Variants in METTL15 observed in about 807,000 individuals in gnomAD.
The protein encoded by METTL15 is 12S rRNA N(4)-cytidine methyltransferase METTL15.
In METTL15, 34 loss-of-function variants were observed where a neutral mutation model predicts 38.3. The observed-to-expected ratio is 0.89, with a 90% CI of 0.68 to 1.18. The LOEUF (loss-of-function observed/expected upper bound fraction) is 1.18. METTL15 is among the 50% of genes most tolerant of loss of function. METTL15 has a pLI of 0.00. For synonymous variants in METTL15, 162 were observed against 170.9 expected (o/e 0.95, Z 0.41); for missense variants, 438 against 498.4 (o/e 0.88, Z 1.15).
Position 28,122,333 on chromosome 11 carries a change from ATGTGTGTGTGTG to A in METTL15, c.270+8757_270+8768del, listed in dbSNP as rs61147516. Among the ~76,000 whole-genome samples the A allele has an allele frequency of 3.0e-3, 335 of 112,094 alleles. 1 individual carries two copies. Among genetic ancestry groups the A allele is most frequent in the African/African-American group, 5.4e-3 (133 of 24,478 alleles). 73.5% of individuals were successfully genotyped at this position (112,094 alleles called of 152,430 possible). The stretch of plus-strand genomic sequence containing the variant: ...AATCCTAGTATATAGATGTGTGTAT[ATGTGTGTGTGTG>A]TGTGTGTGTGTGTGTGTGTGTGTGT... On this transcript the variant is annotated intron_variant, in intron 3 of 6. Transcript: ENST00000407364.
At chr11:28,502,131 C>A (rs1025857744) in intron 6 of METTL15, among the ~76,000 whole-genome samples, 1 of 151,290 alleles carries the variant, frequency 6.6e-6, no homozygotes, top group Non-Finnish European at 1.5e-5. Context: ...AAAAGCTCTT[C>A]CACAAGGGCA....
At chr11:28,110,838 A>G (rs778571375) in intron 2 of METTL15, among the ~76,000 whole-genome samples, 51 of 152,208 alleles carry the variant, frequency 3.4e-4, no homozygotes, top group Non-Finnish European at 6.6e-4. Context: ...TTATGCTCTC[A>G]ACAGCCAAAA....
intron 3 of METTL15, among the ~76,000 whole-genome samples, chr11:28,156,200 G>C (rs925618055): frequency 6.6e-6 from 1 of 152,028 alleles, no homozygotes; most frequent in African/African-American, 2.4e-5. Context: ...TTCATCCCTT[G>C]GTCTTTACAG....
intron 6 of METTL15, among the ~76,000 whole-genome samples, chr11:28,329,429 T>C (rs1458669903): frequency 6.6e-6 from 1 of 152,128 alleles, no homozygotes; most frequent in Non-Finnish European, 1.5e-5. Flanking sequence ...ATTTGGGCTG[T>C]TCTAGGTGCC....
At chr11:28,265,142 A>G (rs928112667) in intron 4 of METTL15, among the ~76,000 whole-genome samples, 12 of 152,112 alleles carry the variant, frequency 7.9e-5, no homozygotes, top group African/African-American at 2.7e-4. Context: ...GCTACCACAG[A>G]ATACAAGGAC....
chr11:28,427,216 G>T (rs1416394365), intron 6 of METTL15, among the ~76,000 whole-genome samples: 1 of 152,076 alleles, frequency 6.6e-6, no homozygotes, highest in Non-Finnish European at 1.5e-5. Context: ...GTTTGTTTTT[G>T]TCAGGTTGTC....
intron 6 of METTL15, among the ~76,000 whole-genome samples, chr11:28,311,086 G>A (rs1331438133): frequency 6.6e-6 from 1 of 151,742 alleles, no homozygotes; most frequent in Non-Finnish European, 1.5e-5. Flanking sequence ...AACTAGCACA[G>A]CAGTTTGTTC....
At chr11:28,496,338 GA>G (rs1437967023) in intron 6 of METTL15, among the ~76,000 whole-genome samples, 1 of 152,150 alleles carries the variant, frequency 6.6e-6, no homozygotes, top group African/African-American at 2.4e-5. Context: ...CAGTATGTGG[GA>G]ACCACCCCCA....
At chr11:28,169,459 A>G (rs969797190) in intron 3 of METTL15, among the ~76,000 whole-genome samples, 2 of 152,170 alleles carry the variant, frequency 1.3e-5, no homozygotes, top group Non-Finnish European at 2.9e-5. Flanking sequence ...GCAAGTTGAT[A>G]TAGAAGAAAA....
intron 6 of METTL15, among the ~76,000 whole-genome samples, chr11:28,319,546 G>A (rs1278902000): frequency 6.6e-6 from 1 of 151,410 alleles, no homozygotes; most frequent in Non-Finnish European, 1.5e-5. Flanking sequence ...TACAATCCCT[G>A]TGAACTTGAG....
At chr11:28,527,979 TA>T (rs1271998285), downstream of METTL15, among the ~76,000 whole-genome samples, 1 of 152,198 alleles carries the variant, frequency 6.6e-6, no homozygotes, top group Admixed American at 6.5e-5. Context: ...ACTCTCAAAG[TA>T]ATTGCCAACT....
intron 6 of METTL15, among the ~76,000 whole-genome samples, chr11:28,430,795 C>G (rs1178610742): frequency 2.1e-4 from 21 of 98,756 alleles, no homozygotes; most frequent in African/African-American, 7.2e-4. Context: ...CCGGCCGCCC[C>G]TACTGGGAAG....
At chr11:28,185,112 C>A (rs1851447556) in intron 3 of METTL15, among the ~76,000 whole-genome samples, 1 of 151,434 alleles carries the variant, frequency 6.6e-6, no homozygotes, top group African/African-American at 2.4e-5. Context: ...ATTTTGAAGT[C>A]AATCTACAGT....
intron 6 of METTL15, among the ~76,000 whole-genome samples, chr11:28,326,287 G>GTT (rs529338315): frequency 2.7e-5 from 4 of 146,286 alleles, no homozygotes. Flanking sequence ...GAATCTGTTA[G>GTT]TTTTTTTTTT....
intron 6 of METTL15, among the ~76,000 whole-genome samples, chr11:28,460,885 G>A (rs529398654): frequency 3.3e-5 from 5 of 151,952 alleles, no homozygotes; most frequent in Non-Finnish European, 4.4e-5. Context: ...AAAAGTATAC[G>A]GATAACTTGG....
At position 28,375,137 on chromosome 11, in the gene METTL15, T is replaced by A. The variant is rs909083858; in HGVS notation, c.*358+13101T>A. Among the ~76,000 whole-genome samples, 19 of 148,202 alleles carry A rather than the reference T, an allele frequency of 1.3e-4. No homozygotes were observed. The Admixed American group carries it at 1.3e-3, about 10-fold the overall frequency. On this transcript the variant is annotated intron_variant and NMD_transcript_variant, in intron 5 of 7. Transcript: ENST00000532947. Reference sequence around the variant, plus strand: ...TTGGTCTAAAATTCTCTTTTTTGGTTGTGTCTCTGCCCGGCTTTGGTATCA... The same window carrying A: ...TTGGTCTAAAATTCTCTTTTTTGGTAGTGTCTCTGCCCGGCTTTGGTATCA...
At chr11:28,324,271 C>T (rs1849562184) in intron 6 of METTL15, among the ~76,000 whole-genome samples, 1 of 152,142 alleles carries the variant, frequency 6.6e-6, no homozygotes, top group African/African-American at 2.4e-5. Flanking sequence ...AAAACTTGAA[C>T]TTAAATCACT....
At chr11:28,457,438 C>G (rs1851178463) in intron 6 of METTL15, among the ~76,000 whole-genome samples, 1 of 152,184 alleles carries the variant, frequency 6.6e-6, no homozygotes, top group Non-Finnish European at 1.5e-5. Flanking sequence ...TCCTTAAGCA[C>G]TCTATAATTT....
intron 6 of METTL15, among the ~76,000 whole-genome samples, chr11:28,473,677 A>G (rs865803548): frequency 1.4e-4 from 22 of 152,162 alleles, no homozygotes; most frequent in South Asian, 2.1e-4. Context: ...TGTCCCAGGC[A>G]TAGAATCCAA....
Sources: gnomAD v4.1 joint callset for allele counts (sites outside exome capture counted in the v4.1 genomes callset) on GRCh38, gnomAD v4.1.1 for gene constraint, MANE v1.5 for transcripts, NCBI Gene and HGNC (gene_info 2026-07-23, HGNC 2026-07-21) for gene names.